The following ZCCHC7 variants were observed in gnomAD, a reference collection of about 807,000 sequenced individuals.
The protein encoded by ZCCHC7 is zinc finger CCHC-type containing 7, also known as zinc finger CCHC domain-containing protein 7.
In ZCCHC7, 35 loss-of-function variants were observed where a neutral mutation model predicts 52.0. The observed-to-expected ratio is 0.67, with a 90% CI of 0.51 to 0.89. The LOEUF is 0.89. Ranked by LOEUF, ZCCHC7 falls within the 40% of genes least tolerant of loss-of-function variation. The pLI is 0.00. For missense variants in ZCCHC7, 574 were observed against 649.1 expected (o/e 0.88, Z 1.26); for synonymous variants, 217 against 221.5 (o/e 0.98, Z 0.18).
Position 37,291,931 on chromosome 9 carries a change from G to T in ZCCHC7, c.611-10257G>T, listed in dbSNP as rs1274426487. On this transcript the variant is annotated intron_variant, in intron 2 of 8. Transcript: ENST00000336755. ...TGGTCTCGAACTCCCGACCTCAGGT[G>T]ATCCGCCTGCCTTGGCCTCCCAAAC... Among the ~76,000 whole-genome samples the T allele has an allele frequency of 2.6e-5, 4 of 152,344 alleles. No individual in the cohort carries two copies. In the East Asian group the frequency reaches 7.7e-4, roughly 29 times the overall value.
At chr9:37,136,079 A>G (rs980427316) in intron 2 of ZCCHC7, among the ~76,000 whole-genome samples, 1 of 152,000 alleles carries the variant, frequency 6.6e-6, no homozygotes, top group African/African-American at 2.4e-5. Context: ...ATTAGTTTCT[A>G]CCTTGCCTGG....
chr9:37,262,916 T>A (rs1223820394), intron 2 of ZCCHC7, among the ~76,000 whole-genome samples: 1 of 152,224 alleles, frequency 6.6e-6, no homozygotes. Flanking sequence ...ACTTAGAAGA[T>A]GTTTCTTAGT....
intron 2 of ZCCHC7, among the ~76,000 whole-genome samples, chr9:37,279,593 T>G (rs561517642): frequency 6.6e-6 from 1 of 152,174 alleles, no homozygotes; most frequent in African/African-American, 2.4e-5. Context: ...GTCCAGTGGC[T>G]TATGCCTGTA....
chr9:37,201,596 A>G (rs1445151429), intron 2 of ZCCHC7, among the ~76,000 whole-genome samples: 1 of 152,238 alleles, frequency 6.6e-6, no homozygotes, highest in Non-Finnish European at 1.5e-5. Context: ...AATGGGAAGC[A>G]AAATCTGACT....
intron 2 of ZCCHC7, chr9:37,186,708 GC>G: frequency 1.7e-6 from 1 of 575,976 alleles, no homozygotes; most frequent in Non-Finnish European, 3.3e-6. Flanking sequence ...TTTTTTCCTT[GC>G]AGGCCAAGAA....
chr9:37,289,181 G>A (rs1250489795), intron 2 of ZCCHC7, among the ~76,000 whole-genome samples: 6 of 147,000 alleles, frequency 4.1e-5, no homozygotes, highest in South Asian at 2.2e-4. Context: ...GTGGAGTCTC[G>A]CTCTGTCGCC....
chr9:37,126,393 T>G lies in ZCCHC7; in HGVS notation c.61T>G (p.Ser21Ala). 1 of 1,614,046 alleles carries G rather than the reference T, an allele frequency of 6.2e-7. No individual in the cohort carries two copies. The highest frequency in any genetic ancestry group is 8.5e-7 in the Non-Finnish European group (1 of 1,179,986). Reference protein sequence around the residue: ...AYEDDLYRDESSSELSVDSEV... With the variant: ...AYEDDLYRDEASSELSVDSEV... ...CGAAGATGATCTTTATCGAGATGAG[T>G]CATCTAGTGAACTGAGTGTTGATAG... Residue 21 changes from serine to alanine, a missense_variant, in exon 2 of 9, where the codon TCA (serine) becomes GCA (alanine). Around this residue, in one of 3 missense-constraint regions of ZCCHC7, gnomAD observed 403 missense variants for 461.2 expected, o/e 0.87. Coordinates refer to ENST00000336755, the MANE Select transcript of ZCCHC7 (RefSeq NM_032226.3).
intron 2 of ZCCHC7, among the ~76,000 whole-genome samples, chr9:37,209,740 G>A (rs1327359749): frequency 7.2e-5 from 11 of 152,190 alleles, no homozygotes; most frequent in Admixed American, 7.2e-4. Context: ...AGGGAAATCA[G>A]TGGGCATATA....
At chr9:37,192,792 C>T (rs933430549) in intron 2 of ZCCHC7, among the ~76,000 whole-genome samples, 8 of 152,106 alleles carry the variant, frequency 5.3e-5, no homozygotes, top group African/African-American at 1.7e-4. Flanking sequence ...ATGTCTTTTC[C>T]TGATTACCAC....
chr9:37,126,902 C>G lies in ZCCHC7; in HGVS notation c.570C>G (p.Ile190Met), dbSNP rs1326989114. ...GCEVDDKDDD[I>M]LLNLVGCENS... is the part of the protein sequence containing the mutation. ...AAGTAGATGATAAAGATGATGATATCCTTCTCAACCTTGTGGGATGTGAAA... is the reference window on the plus strand; with the variant it reads ...AAGTAGATGATAAAGATGATGATATGCTTCTCAACCTTGTGGGATGTGAAA... The change falls in exon 2 of 9, where the codon ATC becomes ATG. Residue 190 changes from isoleucine (I) to methionine (M), a missense_variant. Around this residue, in one of 3 missense-constraint regions of ZCCHC7, gnomAD observed 403 missense variants for 461.2 expected, o/e 0.87. Coordinates refer to ENST00000336755, the MANE Select transcript of ZCCHC7 (RefSeq NM_032226.3). 1.9e-6 allele frequency: 3 copies of G among 1,613,902 alleles called. No individual in the cohort carries two copies. Among genetic ancestry groups the G allele is most frequent in the Non-Finnish European group, 2.5e-6 (3 of 1,179,992 alleles).
At chr9:37,172,588 T>C (rs957159896) in intron 2 of ZCCHC7, among the ~76,000 whole-genome samples, 1 of 152,260 alleles carries the variant, frequency 6.6e-6, no homozygotes, top group African/African-American at 2.4e-5. Flanking sequence ...TATTTTAATT[T>C]GAGCAACAGT....
chr9:37,173,802 A>T (rs1463253482), intron 2 of ZCCHC7, among the ~76,000 whole-genome samples: 1 of 152,126 alleles, frequency 6.6e-6, no homozygotes, highest in African/African-American at 2.4e-5. Flanking sequence ...TTACTTAATA[A>T]ACCTATTATT....
Position 37,354,839 on chromosome 9 carries a change from T to G in ZCCHC7, c.1198+15T>G, listed in dbSNP as rs765716136. ...AAAAATAAAAGGTATGTTGCTAGAC[T>G]TCTTGTTAGATCACATTTGCAGTAG... On this transcript the variant is annotated intron_variant, in intron 8 of 8. Coordinates refer to ENST00000336755, the MANE Select transcript of ZCCHC7 (RefSeq NM_032226.3). This position sits in a 1 kb window ranked among gnomAD's most constrained non-coding sequence, Gnocchi z 4.0. The G allele has an allele frequency of 1.2e-5, 19 of 1,520,780 alleles. No individual in the cohort carries two copies. The Admixed American group carries it at 3.1e-4, about 24-fold the overall frequency. 94.2% of individuals were successfully genotyped at this position (1,520,780 alleles called of 1,614,324 possible). A position where few individuals can be genotyped will look rare whatever the true frequency, so the allele number is the denominator to read the frequency against.
At chr9:37,297,003 T>G (rs954979460) in intron 2 of ZCCHC7, among the ~76,000 whole-genome samples, 1 of 151,826 alleles carries the variant, frequency 6.6e-6, no homozygotes, top group African/African-American at 2.4e-5. Context: ...TCCCAAAGTA[T>G]TGGAATTGCA....
chr9:37,226,306 TATATC>T (rs1056111981), intron 2 of ZCCHC7, among the ~76,000 whole-genome samples: 12 of 152,314 alleles, frequency 7.9e-5, no homozygotes, highest in East Asian at 3.9e-4. Flanking sequence ...AATGGAGAGT[TATATC>T]ATGTTCATGG....
chr9:37,289,299 G>A (rs1484384749), intron 2 of ZCCHC7, among the ~76,000 whole-genome samples: 2 of 151,920 alleles, frequency 1.3e-5, no homozygotes, highest in Non-Finnish European at 2.9e-5. Context: ...ACAGGCGCCT[G>A]CCACCACACC....
intron 2 of ZCCHC7, among the ~76,000 whole-genome samples, chr9:37,164,635 A>G (rs1397596983): frequency 2.0e-5 from 3 of 152,150 alleles, no homozygotes; most frequent in African/African-American, 4.8e-5. Context: ...AGGCTGGAGT[A>G]CATTGGCATG....
chr9:37,195,465 T>G (rs1465364776), intron 2 of ZCCHC7, among the ~76,000 whole-genome samples: 2 of 152,166 alleles, frequency 1.3e-5, no homozygotes, highest in Admixed American at 6.5e-5. Flanking sequence ...GCAATGTTTG[T>G]GATGTGGTCA....
At chr9:37,348,391 T>TTTCTTTCTTTCTTTCTTTCC (rs1372754519) in intron 6 of ZCCHC7, among the ~76,000 whole-genome samples, 4 of 150,118 alleles carry the variant, frequency 2.7e-5, no homozygotes, top group African/African-American at 7.5e-5. Context: ...TCTTTCTTTC[T>TTTCTTTCTTTCTTTCTTTCC]TTTTTGACAT....
Sources: allele counts gnomAD v4.1 joint callset (sites outside exome capture counted in the v4.1 genomes callset), GRCh38; gene constraint gnomAD v4.1.1; regional missense constraint gnomAD v4.1.1; non-coding constraint Gnocchi (gnomAD v3.1); transcripts MANE v1.5; gene names NCBI Gene and HGNC (gene_info 2026-07-23, HGNC 2026-07-21).